Variants in KATNBL1 observed in about 807,000 individuals in gnomAD.
The protein encoded by KATNBL1 is KATNB1-like protein 1.
In KATNBL1, 28 loss-of-function variants were observed where a neutral mutation model predicts 44.7. The observed-to-expected ratio is 0.63, with a 90% CI of 0.46 to 0.86. KATNBL1 has a LOEUF of 0.86. Among genes scored for constraint, KATNBL1 ranks in the 40% least tolerant of loss-of-function variants. The pLI is 0.00. For missense variants in KATNBL1, 272 were observed against 350.7 expected (o/e 0.78, Z 1.79); for synonymous variants, 78 against 114.9 (o/e 0.68, Z 2.06).
chr15:34,173,211 A>C (rs952804400), intron 1 of KATNBL1, among the ~76,000 whole-genome samples: 1 of 152,144 alleles, frequency 6.6e-6, no homozygotes, highest in Non-Finnish European at 1.5e-5. Flanking sequence ...AAACAAAGAG[A>C]TAATTTAAGA....
At chr15:34,159,086 G>T (rs1253429745) in intron 2 of KATNBL1, among the ~76,000 whole-genome samples, 1 of 152,194 alleles carries the variant, frequency 6.6e-6, no homozygotes, top group Non-Finnish European at 1.5e-5. Context: ...TCTGCCTTCT[G>T]ATTAAGGATA....
intron 9 of KATNBL1, among the ~76,000 whole-genome samples, chr15:34,144,576 C>CTT (rs1202455212): frequency 6.9e-6 from 1 of 144,634 alleles, no homozygotes; most frequent in African/African-American, 2.5e-5. Context: ...TTTTTTCTTT[C>CTT]TTTTTTTTTT....
chr15:34,182,827 A>T (rs1372151466), intron 1 of KATNBL1, among the ~76,000 whole-genome samples: 2 of 152,228 alleles, frequency 1.3e-5, no homozygotes, highest in Non-Finnish European at 2.9e-5. Flanking sequence ...AATATCAGTG[A>T]TTGCCAGAGA....
At chr15:34,157,008 T>G (rs537465618) in intron 2 of KATNBL1, among the ~76,000 whole-genome samples, 1 of 152,256 alleles carries the variant, frequency 6.6e-6, no homozygotes, top group South Asian at 2.1e-4. Flanking sequence ...GTCAAACTCT[T>G]CCCAAGCTAA....
At chr15:34,190,433 G>C (rs1889841881) in intron 1 of KATNBL1, among the ~76,000 whole-genome samples, 1 of 152,178 alleles carries the variant, frequency 6.6e-6, no homozygotes, top group South Asian at 2.1e-4. Flanking sequence ...GGTCACAGTA[G>C]ACACACTGGT....
intron 1 of KATNBL1, chr15:34,209,109 A>G (rs1379622877): frequency 6.6e-6 from 1 of 152,356 alleles, no homozygotes; most frequent in African/African-American, 2.4e-5. Context: ...AATATTAGTT[A>G]TTAGCCAAGT....
chr15:34,190,120 A>AT (rs1169503312), intron 1 of KATNBL1, among the ~76,000 whole-genome samples: 1 of 151,958 alleles, frequency 6.6e-6, no homozygotes, highest in Non-Finnish European at 1.5e-5. Context: ...AATTTTTTGT[A>AT]TTTTTAGTAG....
At chr15:34,172,668 C>T (rs564452234) in intron 1 of KATNBL1, among the ~76,000 whole-genome samples, 19 of 152,248 alleles carry the variant, frequency 1.2e-4, no homozygotes, top group African/African-American at 4.6e-4. Context: ...CAGGCTTATA[C>T]ACTCCAGGGA....
intron 1 of KATNBL1, among the ~76,000 whole-genome samples, chr15:34,185,515 TATTAG>T (rs1376268777): frequency 6.6e-6 from 1 of 152,352 alleles, no homozygotes; most frequent in East Asian, 1.9e-4. Context: ...AATCAATGAT[TATTAG>T]ATTAGTTAAT....
intron 2 of KATNBL1, among the ~76,000 whole-genome samples, chr15:34,157,717 C>A (rs1259439529): frequency 6.6e-6 from 1 of 152,172 alleles, no homozygotes; most frequent in African/African-American, 2.4e-5. Flanking sequence ...GCAACCGAGT[C>A]TCTAAGACTA....
rs1454169818 is a variant in KATNBL1 at position 34,142,208 on chromosome 15, C to T, written c.*131G>A. ...TTTCATTAGTGGTTTCATTACGTGG[C>T]TTTTTAAAAGAAAAAATAGTTTTGA... On this transcript the variant is annotated 3_prime_UTR_variant, in exon 10 of 10. Coordinates refer to ENST00000256544, the MANE Select transcript of KATNBL1 (RefSeq NM_024713.3). The T allele has an allele frequency of 7.5e-6, 7 of 936,412 alleles. No individual in the cohort carries two copies. Among genetic ancestry groups the T allele is most frequent in the African/African-American group, 1.7e-5 (1 of 57,892 alleles). 58.0% of individuals were successfully genotyped at this position (936,412 alleles called of 1,614,324 possible). A position where few individuals can be genotyped will look rare whatever the true frequency, so the allele number is the denominator to read the frequency against.
chr15:34,173,939 G>T (rs1299993092), intron 1 of KATNBL1, among the ~76,000 whole-genome samples: 1 of 152,102 alleles, frequency 6.6e-6, no homozygotes, highest in Admixed American at 6.5e-5. Flanking sequence ...CTAAAAGAAT[G>T]ACTACAGGAA....
chr15:34,154,529 G>A (rs1482157280), intron 3 of KATNBL1, 115 bp downstream of exon 3: 5 of 726,990 alleles, frequency 6.9e-6, no homozygotes, highest in African/African-American at 3.6e-5. Context: ...TAAAGAAGCT[G>A]TTTGACAATA....
intron 9 of KATNBL1, chr15:34,143,075 T>G: frequency 8.4e-7 from 1 of 1,192,292 alleles, no homozygotes; most frequent in Non-Finnish European, 1.1e-6. Context: ...TGTAAGAAAG[T>G]CTCATCATAA....
chr15:34,193,230 A>AAC (rs1555530413), intron 1 of KATNBL1, among the ~76,000 whole-genome samples: 2 of 105,774 alleles, frequency 1.9e-5, no homozygotes, highest in Admixed American at 9.0e-5. Context: ...AAAAAAAAAA[A>AAC]AAAAACAAAA....
At chr15:34,197,747 G>C (rs1387915691) in intron 1 of KATNBL1, among the ~76,000 whole-genome samples, 3 of 151,942 alleles carry the variant, frequency 2.0e-5, no homozygotes, top group Admixed American at 6.6e-5. Flanking sequence ...AAAAGAATGA[G>C]GTTTATTTTA....
chr15:34,202,785 G>T (rs1439587695), intron 1 of KATNBL1, among the ~76,000 whole-genome samples: 2 of 152,176 alleles, frequency 1.3e-5, no homozygotes, highest in African/African-American at 4.8e-5. Context: ...GAGGTCCGGA[G>T]TTCGAGACCA....
intron 1 of KATNBL1, among the ~76,000 whole-genome samples, chr15:34,187,841 A>G (rs971052262): frequency 6.6e-6 from 1 of 152,146 alleles, no homozygotes; most frequent in Non-Finnish European, 1.5e-5. Context: ...CCACAAATTA[A>G]GAATATTCAC....
At position 34,181,710 on chromosome 15, in the gene KATNBL1, ATG is replaced by A. The variant is rs1491326456; in HGVS notation, c.-14-18022_-14-18021del. ...TATGTCCATATATATATCCATATAT[ATG>A]GACATATATATGTCCATATATACAC... is the stretch of plus-strand genomic sequence containing the variant. On this transcript the variant is annotated intron_variant, in intron 1 of 9. Transcript: ENST00000256544. Among the ~76,000 whole-genome samples the A allele has an allele frequency of 3.5e-4, 11 of 31,520 alleles. 2 individuals carry two copies. The highest frequency in any genetic ancestry group is 5.6e-4 in the Non-Finnish European group (8 of 14,228). The allele number at this position is 31,520 out of a possible 152,430, so 20.7% of individuals were successfully genotyped here.
Sources: gnomAD v4.1 joint callset for allele counts (sites outside exome capture counted in the v4.1 genomes callset) on GRCh38, gnomAD v4.1.1 for gene constraint, MANE v1.5 for transcripts, NCBI Gene and HGNC (gene_info 2026-07-23, HGNC 2026-07-21) for gene names.